ACAP2: variants seen among roughly 807,000 people sequenced by gnomAD.
ACAP2 encodes arf-GAP with coiled-coil, ANK repeat and PH domain-containing protein 2.
A neutral mutation model predicts 115.8 loss-of-function variants in ACAP2; 39 were observed. The ratio of observed to expected loss-of-function variants is 0.34; its 90% confidence interval spans 0.26 to 0.44. ACAP2 has a LOEUF of 0.44. Among genes scored for constraint, ACAP2 ranks in the 20% least tolerant of loss-of-function variants. ACAP2 has a pLI of 1.00. For synonymous variants in ACAP2, 289 were observed against 315.8 expected, an observed-to-expected ratio of 0.92 and a Z score of 0.90; for missense variants, 662 against 927.6, an observed-to-expected ratio of 0.71 and a Z score of 3.72.
At chr3:195,320,853 C>T in intron 9 of ACAP2, 40 bp from the exon 10 acceptor site, 1 of 1,365,908 alleles carries the variant, frequency 7.3e-7, no homozygotes, top group Non-Finnish European at 1.0e-6. Context: ...TATGACTTGA[C>T]TAAGTTTCCT....
chr3:195,303,927 C>T (rs1018433628), intron 13 of ACAP2, among the ~76,000 whole-genome samples: 6 of 151,912 alleles, frequency 3.9e-5, no homozygotes, highest in East Asian at 1.9e-4. Context: ...TTTGGGAAGC[C>T]GAGGTGAGTG....
chr3:195,319,237 C>A (rs1047546353), intron 10 of ACAP2, among the ~76,000 whole-genome samples: 2 of 152,206 alleles, frequency 1.3e-5, no homozygotes, highest in African/African-American at 4.8e-5. Flanking sequence ...AAGTCTGCGG[C>A]AGGGGAGGAG....
At chr3:195,296,358 T>A (rs1219435593) in intron 16 of ACAP2, among the ~76,000 whole-genome samples, 1 of 152,150 alleles carries the variant, frequency 6.6e-6, no homozygotes, top group African/African-American at 2.4e-5. Flanking sequence ...CATTATTAAT[T>A]TAAGAAATAA....
At chr3:195,415,161 T>C (rs1713611639) in intron 1 of ACAP2, among the ~76,000 whole-genome samples, 2 of 152,188 alleles carry the variant, frequency 1.3e-5, no homozygotes, top group African/African-American at 4.8e-5. Context: ...GTAACAAATG[T>C]ATCATTCTGG....
intron 10 of ACAP2, 97 bp from the exon 11 acceptor site, chr3:195,308,934 G>T: frequency 8.4e-7 from 1 of 1,191,246 alleles, no homozygotes; most frequent in Non-Finnish European, 1.2e-6. Flanking sequence ...AAATCACATT[G>T]TGTTAATTAT....
chr3:195,432,423 T>C (rs1715199844), intron 1 of ACAP2, among the ~76,000 whole-genome samples: 1 of 152,224 alleles, frequency 6.6e-6, no homozygotes, highest in Non-Finnish European at 1.5e-5. Flanking sequence ...CAGTTGTCTT[T>C]GCACCATTTG....
At chr3:195,415,568 C>A (rs1713652730) in intron 1 of ACAP2, among the ~76,000 whole-genome samples, 2 of 152,096 alleles carry the variant, frequency 1.3e-5, no homozygotes, top group Admixed American at 1.3e-4. Context: ...AGCCACCATG[C>A]CCAGCCAAGT....
intron 10 of ACAP2, among the ~76,000 whole-genome samples, chr3:195,317,140 C>G (rs1477087762): frequency 3.9e-5 from 6 of 152,012 alleles, no homozygotes; most frequent in Non-Finnish European, 8.8e-5. Context: ...TCAAGTGATT[C>G]ACCTGCCCCA....
rs1031832563 is a variant in ACAP2 at position 195,339,250 on chromosome 3, C to G, written c.529-2274G>C. ...CTTCTCAAAAAAACAAAAACAGAAA[C>G]AAAAGACTAGTTTCTTCTGCATGTA... On this transcript the variant is annotated intron_variant, in intron 6 of 22. Coordinates refer to ENST00000326793, the MANE Select transcript of ACAP2 (RefSeq NM_012287.6). 1.4e-4 allele frequency among the ~76,000 whole-genome samples: 22 copies of G among 152,054 alleles called. No individual in the cohort carries two copies. In the East Asian group the frequency reaches 4.1e-3, roughly 28 times the overall value.
Position 195,295,785 on chromosome 3 carries a change from T to A in ACAP2, c.1595A>T (p.Lys532Ile). Reference sequence around the variant, plus strand: ...GCTCAGCCTCTTTTCTTCAGAACTTTTAGAGACAAACTTTTTTTGCTGCTC... The same window carrying A: ...GCTCAGCCTCTTTTCTTCAGAACTTATAGAGACAAACTTTTTTTGCTGCTC... ...PPEQQKKFVS[K>I]SSEEKRLSIS... The change falls in exon 17 of 23, where the codon AAA (lysine) becomes ATA (isoleucine). Residue 532 changes from lysine to isoleucine, a missense_variant. Physicochemically the swap from Lys to Ile is moderately radical, Grantham distance 102. This residue lies in a region of ACAP2 where 133 missense variants were observed against 123.1 expected (regional missense o/e 1.08). Transcript: ENST00000326793. The A allele has an allele frequency of 3.1e-6, 5 of 1,614,116 alleles. No individual in the cohort carries two copies. The highest frequency in any genetic ancestry group is 4.2e-6 in the Non-Finnish European group (5 of 1,179,998).
At position 195,274,847 on chromosome 3, in the gene ACAP2, T is replaced by C. The variant is rs1726139004; in HGVS notation, c.*4481A>G. The C allele has an allele frequency of 6.6e-6, 1 of 152,658 alleles. No homozygotes were observed. Among genetic ancestry groups the C allele is most frequent in the Non-Finnish European group, 1.5e-5 (1 of 68,046 alleles). The allele number at this position is 152,658 out of a possible 1,614,324, so 9.5% of individuals were successfully genotyped here. Reference sequence around the variant, plus strand: ...ACATAATGTACATTTTAGAAGATAATGTACTTTGCTCCATTTACAATGACA... The same window carrying C: ...ACATAATGTACATTTTAGAAGATAACGTACTTTGCTCCATTTACAATGACA... On this transcript the variant is annotated 3_prime_UTR_variant, in exon 23 of 23. Coordinates refer to ENST00000326793, the MANE Select transcript of ACAP2 (RefSeq NM_012287.6).
rs1334376945 is a variant in ACAP2, at chr3:195,278,374, A to G, written c.*954T>C. On this transcript the variant is annotated 3_prime_UTR_variant, in exon 23 of 23. Transcript: ENST00000326793. ...GTGGGGTTCTTTTTCTCCTTTGTAC[A>G]GAGATTTTTCTTTCACTAGGAGCAA... 1 of 152,162 alleles carries G rather than the reference A, an allele frequency of 6.6e-6. No homozygotes were observed. Among genetic ancestry groups the G allele is most frequent in the Non-Finnish European group, 1.5e-5 (1 of 68,032 alleles). The allele number at this position is 152,162 out of a possible 1,614,324, so 9.4% of individuals were successfully genotyped here.
At chr3:195,420,341 T>C (rs1232219047) in intron 1 of ACAP2, among the ~76,000 whole-genome samples, 1 of 152,180 alleles carries the variant, frequency 6.6e-6, no homozygotes, top group Non-Finnish European at 1.5e-5. Flanking sequence ...TATCTTTTTC[T>C]TGTTCTGTTT....
chr3:195,368,141 TCTGG>T (rs1460739520), intron 4 of ACAP2, among the ~76,000 whole-genome samples: 1 of 152,168 alleles, frequency 6.6e-6, no homozygotes, highest in African/African-American at 2.4e-5. Context: ...CTGTTAACTC[TCTGG>T]TTTTTTGTTT....
At chr3:195,295,541 A>G (rs1368851563) in intron 17 of ACAP2, 167 bp downstream of exon 17, 2 of 750,818 alleles carry the variant, frequency 2.7e-6, no homozygotes, top group African/African-American at 3.5e-5. Context: ...GGCATTGTTT[A>G]AAGTTAACTA....
intron 21 of ACAP2, among the ~76,000 whole-genome samples, chr3:195,287,841 C>T (rs72607902): frequency 0.022 from 3,356 of 152,234 alleles, 124 homozygotes; most frequent in East Asian, 0.11. Flanking sequence ...CGGTGACTCA[C>T]GCCTGTAATC....
intron 4 of ACAP2, chr3:195,350,080 G>A (rs1731450883): frequency 6.3e-6 from 1 of 159,162 alleles, no homozygotes; most frequent in African/African-American, 2.4e-5. Flanking sequence ...CAAATAGACA[G>A]AATCATGGCC....
intron 1 of ACAP2, among the ~76,000 whole-genome samples, chr3:195,420,614 A>C (rs1714110296): frequency 6.6e-6 from 1 of 151,286 alleles, no homozygotes; most frequent in African/African-American, 2.4e-5. Flanking sequence ...AAGTGCTGGA[A>C]TTACAGGCGT....
At chr3:195,305,474 G>A (rs1728361350) in intron 13 of ACAP2, among the ~76,000 whole-genome samples, 1 of 152,126 alleles carries the variant, frequency 6.6e-6, no homozygotes, top group Admixed American at 6.5e-5. Context: ...GATATGCATG[G>A]AATCACAAAT....
Sources: gnomAD v4.1 joint callset for allele counts (sites outside exome capture counted in the v4.1 genomes callset) on GRCh38, gnomAD v4.1.1 for gene constraint, gnomAD v4.1.1 regional missense constraint, MANE v1.5 for transcripts, NCBI Gene and HGNC (gene_info 2026-07-23, HGNC 2026-07-21) for gene names.